The following EFNB2 variants were observed in gnomAD, a reference collection of about 807,000 sequenced individuals.
EFNB2 encodes ephrin-B2.
Under a neutral mutation model 32.1 loss-of-function variants are expected in EFNB2, and 5 were observed. That is an observed-to-expected ratio of 0.16 (90% CI 0.08 to 0.33). The LOEUF (loss-of-function observed/expected upper bound fraction) is 0.33, where lower values mean the gene tolerates loss of function less well. Among genes scored for constraint, EFNB2 ranks in the 10% least tolerant of loss-of-function variants. EFNB2 has a pLI of 1.00. For missense variants in EFNB2, 263 were observed against 422.6 expected, an observed-to-expected ratio of 0.62 and a Z score of 3.31; for synonymous variants, 168 against 166.5, an observed-to-expected ratio of 1.01 and a Z score of -0.07.
intron 1 of EFNB2, among the ~76,000 whole-genome samples, chr13:106,523,136 T>C (rs79411507): frequency 0.015 from 2,303 of 152,232 alleles, 57 homozygotes; most frequent in African/African-American, 0.053. Context: ...GACATTTTCC[T>C]GCACGTCTCA....
intron 2 of EFNB2, among the ~76,000 whole-genome samples, chr13:106,499,203 C>A (rs1344820600): frequency 6.6e-6 from 1 of 152,074 alleles, no homozygotes; most frequent in African/African-American, 2.4e-5. Flanking sequence ...TCCCCTGCTA[C>A]ATCCTCATCA....
At chr13:106,524,353 A>G (rs975860929) in intron 1 of EFNB2, among the ~76,000 whole-genome samples, 1 of 152,230 alleles carries the variant, frequency 6.6e-6, no homozygotes, top group Non-Finnish European at 1.5e-5. Flanking sequence ...GAGGCAGAAG[A>G]TTAAAAGAGG....
At chr13:106,494,272 A>G (rs1043489621) in intron 4 of EFNB2, among the ~76,000 whole-genome samples, 10 of 152,238 alleles carry the variant, frequency 6.6e-5, no homozygotes, top group Non-Finnish European at 1.5e-4. Context: ...TAAAACCTTC[A>G]TTAGCATGGT....
rs1180998732 is a variant in EFNB2 at position 106,535,011 on chromosome 13, G to A, written c.-47C>T. The A allele has an allele frequency of 6.2e-7, 1 of 1,607,200 alleles. No homozygotes were observed. The highest frequency in any genetic ancestry group is 8.5e-7 in the Non-Finnish European group (1 of 1,176,950). On this transcript the variant is annotated 5_prime_UTR_variant, in exon 1 of 5. Coordinates refer to ENST00000646441, the MANE Select transcript of EFNB2 (RefSeq NM_004093.4). ...GCGCACTCCGGGCCAAGAAGGGACT[G>A]ACGGGACGCAGGCTGGGACCCCCAA...
intron 2 of EFNB2, among the ~76,000 whole-genome samples, chr13:106,497,497 T>C (rs527566848): frequency 4.3e-4 from 66 of 152,258 alleles, no homozygotes; most frequent in African/African-American, 1.6e-3. Context: ...TGTACACTTC[T>C]GTGAATCTAA....
At chr13:106,501,608 T>C (rs1878781621) in intron 2 of EFNB2, among the ~76,000 whole-genome samples, 1 of 151,946 alleles carries the variant, frequency 6.6e-6, no homozygotes, top group Non-Finnish European at 1.5e-5. Flanking sequence ...TTTTTTTTTT[T>C]TTGAGACGGA....
rs939979907 is a variant in EFNB2, at chr13:106,493,623, C to T, written c.614-195G>A. Among the ~76,000 whole-genome samples the T allele has an allele frequency of 6.6e-6, 1 of 152,134 alleles. No homozygotes were observed. Among genetic ancestry groups the T allele is most frequent in the Non-Finnish European group, 1.5e-5 (1 of 68,026 alleles). On this transcript the variant is annotated intron_variant, in intron 4 of 4. Coordinates refer to ENST00000646441, the MANE Select transcript of EFNB2 (RefSeq NM_004093.4). This position sits in a 1 kb window ranked among gnomAD's most constrained non-coding sequence, Gnocchi z 6.1. ...GAGAGGTATCTCTAGGAGGGACTTC[C>T]CTACCCTCCCAAGCCACAGGGTTTC...
chr13:106,523,475 C>T (rs1879602431), intron 1 of EFNB2, among the ~76,000 whole-genome samples: 3 of 152,100 alleles, frequency 2.0e-5, no homozygotes, highest in South Asian at 4.1e-4. Context: ...AGTAATTGGA[C>T]AAGGAGGAGG....
intron 1 of EFNB2, among the ~76,000 whole-genome samples, chr13:106,529,247 G>C (rs991404970): frequency 1.3e-5 from 2 of 152,156 alleles, no homozygotes; most frequent in Non-Finnish European, 2.9e-5. Flanking sequence ...TATCCCCTCT[G>C]GTCTCTGTTC....
At chr13:106,526,345 G>A (rs777113425) in intron 1 of EFNB2, among the ~76,000 whole-genome samples, 2 of 152,190 alleles carry the variant, frequency 1.3e-5, no homozygotes, top group African/African-American at 2.4e-5. Context: ...ATGAAATGAA[G>A]AAGGTGTGTC....
rs774357970 is a variant in EFNB2, at chr13:106,534,935, C to T, written c.30G>A (p.Lys10=). The T allele has an allele frequency of 1.4e-5, 22 of 1,613,314 alleles. No homozygotes were observed. Among genetic ancestry groups the T allele is most frequent in the Non-Finnish European group, 1.8e-5 (21 of 1,179,612 alleles). Residue 10 remains lysine (K), a synonymous_variant, in exon 1 of 5, where the codon AAG becomes AAA. Transcript: ENST00000646441. Reference sequence around the variant, plus strand: ...AAACCATCAAAACACCCCAGCAGTACTTCCACACGGAGTCCCTTCTCACAG... The same window carrying T: ...AAACCATCAAAACACCCCAGCAGTATTTCCACACGGAGTCCCTTCTCACAG... MAVRRDSVW[K]YCWGVLMVLC...
chr13:106,492,915 A>G lies in EFNB2; in HGVS notation c.*125T>C. ...AGCGCGACGGGCTCTTCCGAGGAGG[A>G]GTGTCCCTCTCCCCCGGTGCTGTGC... On this transcript the variant is annotated 3_prime_UTR_variant, in exon 5 of 5. Coordinates refer to ENST00000646441, the MANE Select transcript of EFNB2 (RefSeq NM_004093.4). The surrounding 1 kb of genome is among the most constrained non-coding windows in gnomAD (Gnocchi z 5.1). The G allele has an allele frequency of 7.7e-7, 1 of 1,299,386 alleles. No homozygotes were observed. The highest frequency in any genetic ancestry group is 1.0e-6 in the Non-Finnish European group (1 of 953,870). The allele number at this position is 1,299,386 out of a possible 1,614,324, so 80.5% of individuals were successfully genotyped here. A position where few individuals can be genotyped will look rare whatever the true frequency, so the allele number is the denominator to read the frequency against.
chr13:106,492,868 T>C lies in EFNB2; in HGVS notation c.*172A>G. On this transcript the variant is annotated 3_prime_UTR_variant, in exon 5 of 5. Transcript: ENST00000646441. This position sits in a 1 kb window ranked among gnomAD's most constrained non-coding sequence, Gnocchi z 5.1. ...GTGTGTGTTCACCAAGGCCGAATGC[T>C]ACAAGACTAGGTAAGCTGTCCAGCG... 1 of 835,158 alleles carries C rather than the reference T, an allele frequency of 1.2e-6. No homozygotes were observed. Among genetic ancestry groups the C allele is most frequent in the South Asian group, 1.9e-5 (1 of 53,760 alleles). The allele number at this position is 835,158 out of a possible 1,614,324, so 51.7% of individuals were successfully genotyped here.
At chr13:106,524,210 C>T (rs999436475) in intron 1 of EFNB2, among the ~76,000 whole-genome samples, 2 of 152,136 alleles carry the variant, frequency 1.3e-5, no homozygotes, top group Non-Finnish European at 2.9e-5. Context: ...GACTATAAAT[C>T]AAAATGGATA....
intron 1 of EFNB2, among the ~76,000 whole-genome samples, chr13:106,527,327 T>C (rs1220608192): frequency 1.3e-5 from 2 of 152,068 alleles, no homozygotes; most frequent in Admixed American, 6.6e-5. Context: ...AAATTAAGTA[T>C]GGCAGAACAG....
At chr13:106,514,712 C>A (rs1490555563) in intron 1 of EFNB2, among the ~76,000 whole-genome samples, 5 of 152,158 alleles carry the variant, frequency 3.3e-5, no homozygotes, top group African/African-American at 1.2e-4. Context: ...CTCATACACT[C>A]CAAACCTTTT....
At chr13:106,496,706 T>C (rs1878604661) in intron 2 of EFNB2, among the ~76,000 whole-genome samples, 1 of 151,234 alleles carries the variant, frequency 6.6e-6, no homozygotes, top group Non-Finnish European at 1.5e-5. Context: ...ATTTTTTTTT[T>C]CAACAGCCTA....
At chr13:106,496,977 G>C (rs2138901325) in intron 2 of EFNB2, among the ~76,000 whole-genome samples, 2 of 152,292 alleles carry the variant, frequency 1.3e-5, no homozygotes, top group South Asian at 4.1e-4. Context: ...GATTATCAAA[G>C]TCTTGGCTTG....
At chr13:106,496,503 C>T (rs1340467355) in intron 2 of EFNB2, among the ~76,000 whole-genome samples, 1 of 152,212 alleles carries the variant, frequency 6.6e-6, no homozygotes, top group African/African-American at 2.4e-5. Flanking sequence ...AACCAAACTA[C>T]CTGTTGCGGG....
Sources: gnomAD v4.1 joint callset for allele counts (sites outside exome capture counted in the v4.1 genomes callset) on GRCh38, gnomAD v4.1.1 for gene constraint, Gnocchi (gnomAD v3.1) non-coding constraint, MANE v1.5 for transcripts, NCBI Gene and HGNC (gene_info 2026-07-23, HGNC 2026-07-21) for gene names.